The following KCNH8 variants were observed in gnomAD, a reference collection of about 807,000 sequenced individuals.
The protein encoded by KCNH8 is voltage-gated delayed rectifier potassium channel KCNH8.
Under a neutral mutation model 103.6 loss-of-function variants are expected in KCNH8, and 70 were observed. The ratio of observed to expected loss-of-function variants is 0.68; its 90% CI spans 0.56 to 0.82. The LOEUF (loss-of-function observed/expected upper bound fraction) is 0.82. Ranked by LOEUF, KCNH8 falls within the 40% of genes least tolerant of loss-of-function variation. The probability of loss-of-function intolerance (pLI) is 0.00; values close to 1 mark genes in which losing one functional copy is unlikely to be tolerated. For synonymous variants in KCNH8, 498 were observed against 489.4 expected (o/e 1.02, Z -0.23); for missense variants, 1,217 against 1,329.9 (o/e 0.92, Z 1.32).
At chr3:19,522,381 CT>C (rs540078402) in intron 15 of KCNH8, among the ~76,000 whole-genome samples, 20 of 146,284 alleles carry the variant, frequency 1.4e-4, no homozygotes, top group Non-Finnish European at 1.7e-4. Flanking sequence ...AAAGAGCTGA[CT>C]TTTTTTTTTT....
chr3:19,280,953 A>G (rs2064748789), intron 2 of KCNH8, among the ~76,000 whole-genome samples: 1 of 152,116 alleles, frequency 6.6e-6, no homozygotes, highest in Admixed American at 6.6e-5. Flanking sequence ...GAAATGTCTC[A>G]GCACAGACAA....
rs1177731158 is a variant in KCNH8, at chr3:19,170,804, A to T, written c.76+22009A>T. 3.6e-4 allele frequency among the ~76,000 whole-genome samples: 37 copies of T among 103,328 alleles called. 1 individual carries two copies. Among genetic ancestry groups the T allele is most frequent in the African/African-American group, 1.8e-3 (36 of 20,058 alleles). 67.8% of individuals were successfully genotyped at this position (103,328 alleles called of 152,430 possible). A position where few individuals can be genotyped will look rare whatever the true frequency, so the allele number is the denominator to read the frequency against. Reference sequence around the variant, plus strand: ...CACACACACACATATATATATATATATATATATTTTTTTTTTTTTTTTTGA... The same window carrying T: ...CACACACACACATATATATATATATTTATATATTTTTTTTTTTTTTTTTGA... On this transcript the variant is annotated intron_variant, in intron 1 of 15. Transcript: ENST00000328405.
At chr3:19,348,117 G>C (rs907947785) in intron 5 of KCNH8, 152 bp downstream of exon 5, 2 of 867,466 alleles carry the variant, frequency 2.3e-6, no homozygotes, top group Admixed American at 5.5e-5. Flanking sequence ...ACTGTATTTG[G>C]ATTTCTGAAA....
rs150550466 is a variant in KCNH8, at chr3:19,513,193, G to C, written c.2303G>C (p.Arg768Thr). ...SGTVPFHSPI[R>T]VSRSNSPKTK... is the part of the protein sequence containing the mutation. ...ACGGTGCCCTTTCACTCGCCTATCA[G>C]AGTCTCCAGGTCAAATTCCCCCAAA... is the stretch of plus-strand genomic sequence containing the variant. The change falls in exon 13 of 16, where the codon AGA (arginine) becomes ACA (threonine). Residue 768 changes from arginine to threonine, a missense_variant. Around this residue, in one of 3 missense-constraint regions of KCNH8, gnomAD observed 558 missense variants for 495.8 expected, o/e 1.13. Transcript: ENST00000328405. 2.1e-4 allele frequency: 345 copies of C among 1,613,926 alleles called. No homozygotes were observed. In the African/African-American group the frequency reaches 4.2e-3, roughly 20 times the overall value.
chr3:19,211,348 G>A (rs1485003823), intron 1 of KCNH8, among the ~76,000 whole-genome samples: 3 of 152,166 alleles, frequency 2.0e-5, no homozygotes, highest in African/African-American at 7.2e-5. Flanking sequence ...CTTGTCTGTT[G>A]ATTGGAATAG....
rs78739087 is a variant in KCNH8 at position 19,273,308 on chromosome 3, G to T, written c.311-7890G>T. Among the ~76,000 whole-genome samples, 500 of 152,262 alleles carry T rather than the reference G, an allele frequency of 3.3e-3. 23 individuals carry two copies. In the East Asian group the frequency reaches 0.084, roughly 25 times the overall value. On this transcript the variant is annotated intron_variant, in intron 2 of 15. Coordinates refer to ENST00000328405, the MANE Select transcript of KCNH8 (RefSeq NM_144633.3). The stretch of plus-strand genomic sequence containing the variant: ...CTTAAATTGCTTTTCTTAAAGAAAA[G>T]TATCAAGAGAGTGGGTTTGTTTCAG...
At chr3:19,395,540 A>T (rs1452943405) in intron 7 of KCNH8, among the ~76,000 whole-genome samples, 1 of 152,018 alleles carries the variant, frequency 6.6e-6, no homozygotes, top group African/African-American at 2.4e-5. Context: ...GAGAAATTTT[A>T]TATATAATCA....
At chr3:19,301,595 C>G (rs928632561) in intron 3 of KCNH8, among the ~76,000 whole-genome samples, 7 of 152,056 alleles carry the variant, frequency 4.6e-5, no homozygotes, top group Non-Finnish European at 8.8e-5. Context: ...CGACATCAAG[C>G]AATTCTCCAA....
intron 11 of KCNH8, among the ~76,000 whole-genome samples, chr3:19,469,132 C>G (rs2067802984): frequency 6.6e-6 from 1 of 152,186 alleles, no homozygotes; most frequent in Non-Finnish European, 1.5e-5. Context: ...TGCATAATAA[C>G]AGAACATAAT....
intron 1 of KCNH8, among the ~76,000 whole-genome samples, chr3:19,253,306 A>G (rs1427609052): frequency 6.6e-6 from 1 of 152,038 alleles, no homozygotes; most frequent in East Asian, 1.9e-4. Context: ...AACTTTTTCA[A>G]ATTCACCTAT....
At chr3:19,280,359 G>T (rs1474946444) in intron 2 of KCNH8, among the ~76,000 whole-genome samples, 2 of 151,958 alleles carry the variant, frequency 1.3e-5, no homozygotes, top group East Asian at 1.9e-4. Flanking sequence ...TATGTAAACA[G>T]CATAAAGATC....
chr3:19,313,722 A>G (rs2065236804), intron 3 of KCNH8, among the ~76,000 whole-genome samples: 1 of 151,866 alleles, frequency 6.6e-6, no homozygotes, highest in African/African-American at 2.4e-5. Flanking sequence ...AAACAACTCA[A>G]TAACTGTAAA....
At chr3:19,281,081 G>A (rs111363923) in intron 2 of KCNH8, 117 bp from the exon 3 acceptor site, 4 of 971,776 alleles carry the variant, frequency 4.1e-6, no homozygotes, top group South Asian at 3.0e-5. Flanking sequence ...TAAGATGGAG[G>A]GAGTTGTGGG....
chr3:19,163,360 TATA>T (rs2063252312), intron 1 of KCNH8, among the ~76,000 whole-genome samples: 2 of 151,038 alleles, frequency 1.3e-5, no homozygotes, highest in Non-Finnish European at 3.0e-5. Context: ...GGTTTATCAA[TATA>T]ATAAAACTAG....
At chr3:19,492,043 G>T (rs2068334144) in intron 11 of KCNH8, among the ~76,000 whole-genome samples, 1 of 151,636 alleles carries the variant, frequency 6.6e-6, no homozygotes, top group Non-Finnish European at 1.5e-5. Context: ...TTGTAAATTT[G>T]TTTAAGTTTC....
At chr3:19,332,272 C>G (rs1293029764) in intron 3 of KCNH8, among the ~76,000 whole-genome samples, 1 of 152,092 alleles carries the variant, frequency 6.6e-6, no homozygotes, top group Non-Finnish European at 1.5e-5. Context: ...CTCTACCATC[C>G]CTAACCCTAC....
chr3:19,301,023 A>G (rs1343613400), intron 3 of KCNH8, among the ~76,000 whole-genome samples: 2 of 151,814 alleles, frequency 1.3e-5, no homozygotes, highest in Non-Finnish European at 2.9e-5. Context: ...AAGTATTTTC[A>G]TATATTTATT....
Position 19,438,339 on chromosome 3 carries a change from C to T in KCNH8, c.1353C>T (p.Ser451=). Residue 451 remains serine, a synonymous_variant, in exon 8 of 16, where the codon TCC becomes TCT. Transcript: ENST00000328405. Reference sequence around the variant, plus strand: ...ATACAGATGCAGAAAAGATCTTCTCCATCTGCACCATGCTGATTGGTGGTA... The same window carrying T: ...ATACAGATGCAGAAAAGATCTTCTCTATCTGCACCATGCTGATTGGTGGTA... ...SANTDAEKIF[S]ICTMLIGALM... 6.2e-7 allele frequency: 1 copy of T among 1,613,774 alleles called. No homozygotes were observed. The highest frequency in any genetic ancestry group is 8.5e-7 in the Non-Finnish European group (1 of 1,179,872).
At chr3:19,308,045 C>T (rs775774941) in intron 3 of KCNH8, among the ~76,000 whole-genome samples, 2 of 151,736 alleles carry the variant, frequency 1.3e-5, no homozygotes, top group Non-Finnish European at 2.9e-5. Flanking sequence ...AGAAAGACGA[C>T]ATTGAATGTT....
Sources: gnomAD v4.1 joint callset for allele counts (sites outside exome capture counted in the v4.1 genomes callset) on GRCh38, gnomAD v4.1.1 for gene constraint, gnomAD v4.1.1 regional missense constraint, MANE v1.5 for transcripts, NCBI Gene and HGNC (gene_info 2026-07-23, HGNC 2026-07-21) for gene names.